CLEC12A: variants seen among roughly 807,000 people sequenced by gnomAD.
CLEC12A encodes the protein C-type lectin domain family 12 member A.
In CLEC12A, 22 loss-of-function variants were observed where a neutral mutation model predicts 26.5. The observed-to-expected ratio is 0.83, with a 90% CI of 0.59 to 1.19. CLEC12A has a LOEUF of 1.19. Among genes scored for constraint, CLEC12A ranks in the 50% most tolerant of loss-of-function variants. CLEC12A has a pLI of 0.00. For missense variants in CLEC12A, 353 were observed against 315.6 expected, an observed-to-expected ratio of 1.12 and a Z score of -0.90; for synonymous variants, 119 against 101.9, an observed-to-expected ratio of 1.17 and a Z score of -1.01.
chr12:9,987,446 GTGCCACAAA>G (rs1351042780), downstream of CLEC12A, among the ~76,000 whole-genome samples: 3 of 152,144 alleles, frequency 2.0e-5, no homozygotes, highest in African/African-American at 7.2e-5. Flanking sequence ...CCCAATAAAT[GTGCCACAAA>G]TGCCACAAAT....
Position 9,951,324 on chromosome 12 carries a change from A to C in CLEC12A, c.-23A>C, listed in dbSNP as rs531512883. ...ACATTTCTGATTGCCTAGGAAGAAC[A>C]GCCTTTCAAATTTGACTTCTGCATG... On this transcript the variant is annotated 5_prime_UTR_variant, in exon 1 of 7. Coordinates refer to the CLEC12A transcript ENST00000355690. 1.5e-4 allele frequency: 103 copies of C among 703,022 alleles called. No homozygotes were observed. In the African/African-American group the frequency reaches 1.7e-3, roughly 12 times the overall value. 43.5% of individuals were successfully genotyped at this position (703,022 alleles called of 1,614,324 possible).
At chr12:9,998,227 T>C (rs550197772), downstream of CLEC12A, 2,148 of 1,333,750 alleles carry the variant, frequency 1.6e-3, 4 homozygotes, top group Non-Finnish European at 2.0e-3. Flanking sequence ...GGATATGCCA[T>C]GACCCTTCAG....
the CLEC12A span, among the ~76,000 whole-genome samples, chr12:10,003,381 A>G: frequency 6.6e-6 from 1 of 152,162 alleles, no homozygotes; most frequent in Non-Finnish European, 1.5e-5. Flanking sequence ...AGGGAAACTG[A>G]AGGAAAAAAT....
At chr12:9,977,441 A>G (rs1864382776) in intron 1 of CLEC12A, among the ~76,000 whole-genome samples, 1 of 152,196 alleles carries the variant, frequency 6.6e-6, no homozygotes, top group Admixed American at 6.5e-5. Context: ...ACAAAAGAAA[A>G]CAAATAAAAC....
In CLEC12A at chr12:9,979,670, C is replaced by A. The variant is rs536111938; in HGVS notation, c.379+146C>A. ...AATTACATGTGGTTGATGGAGAATT[C>A]ATTGATATTTCCACGCAGTTAGAAG... On this transcript the variant is annotated intron_variant, in intron 3 of 5. Transcript: ENST00000304361. 3 of 627,292 alleles carry A rather than the reference C, an allele frequency of 4.8e-6. No homozygotes were observed. The South Asian group carries it at 7.9e-5, about 17-fold the overall frequency. 38.9% of individuals were successfully genotyped at this position (627,292 alleles called of 1,614,324 possible). A position where few individuals can be genotyped will look rare whatever the true frequency, so the allele number is the denominator to read the frequency against.
intron 4 of CLEC12A, chr12:9,993,007 A>G: frequency 1.3e-6 from 1 of 774,730 alleles, no homozygotes; most frequent in Non-Finnish European, 2.1e-6. Flanking sequence ...TAATTCTGAT[A>G]GGAAAGATAA....
At chr12:9,958,326 G>A (rs962846746) in intron 1 of CLEC12A, among the ~76,000 whole-genome samples, 1 of 152,196 alleles carries the variant, frequency 6.6e-6, no homozygotes, top group African/African-American at 2.4e-5. Context: ...CACACAGGAG[G>A]TTATTCCCAA....
intron 3 of CLEC12A, among the ~76,000 whole-genome samples, chr12:9,980,047 C>T (rs1158963203): frequency 6.6e-6 from 1 of 152,008 alleles, no homozygotes; most frequent in Non-Finnish European, 1.5e-5. Context: ...TTTCAGAGAA[C>T]AAAAATTAAA....
upstream of CLEC12A, among the ~76,000 whole-genome samples, chr12:9,966,505 G>C (rs562371421): frequency 6.6e-6 from 1 of 152,264 alleles, no homozygotes; most frequent in Non-Finnish European, 1.5e-5. Flanking sequence ...TCTCTGGCCA[G>C]GTGGCCAGAT....
chr12:9,990,418 C>T (rs1864865087), downstream of CLEC12A, among the ~76,000 whole-genome samples: 2 of 152,126 alleles, frequency 1.3e-5, no homozygotes, highest in African/African-American at 4.8e-5. Context: ...AACTTGCAGG[C>T]GTTCAAGACT....
chr12:9,968,113 GCCACT>G (rs1864008665), upstream of CLEC12A, among the ~76,000 whole-genome samples: 19 of 152,200 alleles, frequency 1.2e-4, no homozygotes. Context: ...GTAAAAAGAG[GCCACT>G]TACTGGATTT....
chr12:9,982,874 G>A (rs1316336763), intron 5 of CLEC12A, among the ~76,000 whole-genome samples: 4 of 152,010 alleles, frequency 2.6e-5, no homozygotes, highest in Non-Finnish European at 5.9e-5. Context: ...TCCCACTTAA[G>A]TGAGAATATG....
chr12:9,981,911 A>T, intron 4 of CLEC12A, 109 bp from the exon 5 acceptor site: 1 of 571,016 alleles, frequency 1.8e-6, no homozygotes, highest in South Asian at 2.3e-5. Flanking sequence ...GTAGTAGTGC[A>T]ATGTCCAGTA....
At chr12:10,002,136 C>T in the CLEC12A span, among the ~76,000 whole-genome samples, 3 of 152,224 alleles carry the variant, frequency 2.0e-5, no homozygotes, top group South Asian at 6.2e-4. Context: ...CCGCCTCGGC[C>T]TCCCAAAGTG....
downstream of CLEC12A, among the ~76,000 whole-genome samples, chr12:9,989,651 G>C (rs951623707): frequency 6.6e-6 from 1 of 152,240 alleles, no homozygotes; most frequent in African/African-American, 2.4e-5. Flanking sequence ...AAAAATGAAA[G>C]ATGAAGCAGC....
upstream of CLEC12A, among the ~76,000 whole-genome samples, chr12:9,966,895 G>A (rs71441777): frequency 0.24 from 14,197 of 60,036 alleles, 2,443 homozygotes; most frequent in East Asian, 0.33. Context: ...ACTGGGCTGG[G>A]TTATTATATT....
chr12:9,983,666 G>A (rs1291034202), intron 5 of CLEC12A: 4 of 569,692 alleles, frequency 7.0e-6, no homozygotes, highest in Admixed American at 3.3e-5. Context: ...CCACCACAGC[G>A]AGTTTAGGCA....
At chr12:9,956,566 G>T (rs999073703) in intron 1 of CLEC12A, among the ~76,000 whole-genome samples, 4 of 152,134 alleles carry the variant, frequency 2.6e-5, no homozygotes, top group Admixed American at 2.6e-4. Context: ...ATCAATTATT[G>T]GTTGTGCTCG....
chr12:9,994,892 T>C (rs1864997990), intron 4 of CLEC12A: 3 of 926,244 alleles, frequency 3.2e-6, no homozygotes, highest in Middle Eastern at 4.2e-4. Context: ...CATGGTAAGG[T>C]TGAATGTAAA....
Sources: gnomAD v4.1 joint callset for allele counts (sites outside exome capture counted in the v4.1 genomes callset) on GRCh38, gnomAD v4.1.1 for gene constraint, MANE v1.5 for transcripts, NCBI Gene and HGNC (gene_info 2026-07-23, HGNC 2026-07-21) for gene names.